Variants in TENM2 observed in about 807,000 individuals in gnomAD.
TENM2 encodes teneurin transmembrane protein 2, also known as teneurin-2.
A neutral mutation model predicts 245.2 loss-of-function variants in TENM2; 52 were observed. The observed-to-expected ratio is 0.21, with a 90% confidence interval of 0.17 to 0.27. The LOEUF is 0.27. Ranked by LOEUF, TENM2 falls within the 10% of genes least tolerant of loss-of-function variation. The pLI is 1.00. For synonymous variants in TENM2, 1,363 were observed against 1,438.9 expected, an observed-to-expected ratio of 0.95 and a Z score of 1.19; for missense variants, 3,046 against 3,666.8, an observed-to-expected ratio of 0.83 and a Z score of 4.37.
rs147840719 is a variant in TENM2 at position 167,487,899 on chromosome 5, C to A, written c.502+112426C>A. 3.7e-4 allele frequency among the ~76,000 whole-genome samples: 57 copies of A among 152,202 alleles called. No homozygotes were observed. The East Asian group carries it at 0.01, about 28-fold the overall frequency. On this transcript the variant is annotated intron_variant, in intron 2 of 28. Coordinates refer to ENST00000518659, the Ensembl canonical transcript of TENM2. The stretch of plus-strand genomic sequence containing the variant: ...TAAAGGAATGTTTCTTGCTTTCTCA[C>A]AAATTGTTAACCTCATATTTTCTGG...
exon 11 of TENM2, chr5:168,124,952 T>G: frequency 6.2e-7 from 1 of 1,612,290 alleles, no homozygotes. Context: ...CTGGCGAGGG[T>G]CCAGTGCCCA....
At chr5:167,547,962 G>C (rs150041145) in intron 2 of TENM2, among the ~76,000 whole-genome samples, 1 of 152,266 alleles carries the variant, frequency 6.6e-6, no homozygotes, top group Admixed American at 6.5e-5. Context: ...GCACTTTCTC[G>C]TAGCAAATCA....
At chr5:167,708,304 T>C (rs966520316) in intron 2 of TENM2, among the ~76,000 whole-genome samples, 55 of 152,112 alleles carry the variant, frequency 3.6e-4, no homozygotes, top group African/African-American at 1.3e-3. Flanking sequence ...GATACAAATA[T>C]ACTGTATTAT....
At chr5:167,189,551 T>TTCTTTC in the TENM2 span, among the ~76,000 whole-genome samples, 1 of 151,954 alleles carries the variant, frequency 6.6e-6, no homozygotes, top group Admixed American at 6.6e-5. Flanking sequence ...CTCTCTTTCT[T>TTCTTTC]TCTTTCTCTT....
chr5:167,635,466 A>G (rs1169508927), intron 2 of TENM2, among the ~76,000 whole-genome samples: 2 of 152,028 alleles, frequency 1.3e-5, no homozygotes, highest in Non-Finnish European at 2.9e-5. Context: ...CTAAACTCAG[A>G]AAGGTACCAC....
At chr5:167,848,741 ATTTCCATTTATGGTTGAT>A (rs1770289226) in intron 2 of TENM2, among the ~76,000 whole-genome samples, 1 of 152,170 alleles carries the variant, frequency 6.6e-6, no homozygotes, top group Non-Finnish European at 1.5e-5. Flanking sequence ...TATCAATGTT[ATTTCCATTTATGGTTGAT>A]TTAAAAACTG....
At chr5:168,008,463 T>A (rs62383377) in intron 5 of TENM2, among the ~76,000 whole-genome samples, 22,913 of 152,070 alleles carry the variant, frequency 0.15, 1,934 homozygotes, top group Admixed American at 0.26. Flanking sequence ...AGTTACCTAG[T>A]AGATGCTCCA....
chr5:167,060,422 G>A, the TENM2 span, among the ~76,000 whole-genome samples: 31 of 152,196 alleles, frequency 2.0e-4, no homozygotes, highest in African/African-American at 7.0e-4. Context: ...GTAGGCTGAG[G>A]CAGGCGGATC....
chr5:167,158,300 C>T, the TENM2 span, among the ~76,000 whole-genome samples: 1 of 152,150 alleles, frequency 6.6e-6, no homozygotes, highest in Non-Finnish European at 1.5e-5. Context: ...CTTGGCCAGC[C>T]CCTCACCACT....
At chr5:167,583,510 A>ACACCCC (rs777180325) in intron 2 of TENM2, among the ~76,000 whole-genome samples, 34 of 150,008 alleles carry the variant, frequency 2.3e-4, no homozygotes, top group Non-Finnish European at 4.1e-4. Context: ...ACACACACAC[A>ACACCCC]CCCCAAACCT....
At chr5:167,300,116 A>T (rs1209735843) in intron 1 of TENM2, among the ~76,000 whole-genome samples, 1 of 152,166 alleles carries the variant, frequency 6.6e-6, no homozygotes, top group East Asian at 1.9e-4. Flanking sequence ...GACCACACTA[A>T]CCATGCCTAG....
intron 4 of TENM2, among the ~76,000 whole-genome samples, chr5:167,987,417 T>C (rs549299820): frequency 4.6e-5 from 7 of 151,848 alleles, no homozygotes; most frequent in Non-Finnish European, 8.8e-5. Flanking sequence ...AACCTCTGCC[T>C]CCTGGGTTCA....
chr5:167,095,840 G>A, the TENM2 span, among the ~76,000 whole-genome samples: 5 of 149,108 alleles, frequency 3.4e-5, no homozygotes, highest in African/African-American at 5.0e-5. Context: ...GCGTGATCTC[G>A]GCTCACTGCA....
At chr5:167,718,379 AGTTACAACTTCCCTGTAGCTCAGT>A (rs990089827) in intron 2 of TENM2, among the ~76,000 whole-genome samples, 62 of 152,300 alleles carry the variant, frequency 4.1e-4, no homozygotes, top group Admixed American at 3.9e-3. Flanking sequence ...GACCAGGGCA[AGTTACAACTTCCCTGTAGCTCAGT>A]GTCTGCATCT....
At chr5:167,155,188 C>CA in the TENM2 span, among the ~76,000 whole-genome samples, 3 of 152,086 alleles carry the variant, frequency 2.0e-5, no homozygotes, top group Non-Finnish European at 4.4e-5. Context: ...ATGAAACAAA[C>CA]AAAAAAGAGT....
the TENM2 span, among the ~76,000 whole-genome samples, chr5:167,277,787 GT>G: frequency 6.6e-6 from 1 of 151,746 alleles, no homozygotes; most frequent in East Asian, 1.9e-4. Flanking sequence ...TTGCAGATAT[GT>G]TTTTTGTGGT....
At chr5:167,205,007 C>T in the TENM2 span, among the ~76,000 whole-genome samples, 4 of 152,264 alleles carry the variant, frequency 2.6e-5, no homozygotes, top group East Asian at 1.9e-4. Context: ...ATATATGTGC[C>T]CCACTGGTTT....
Position 167,343,947 on chromosome 5 carries a change from TGGAAA to T in TENM2, c.227-31245_227-31241del, listed in dbSNP as rs937536878. Reference sequence around the variant, plus strand: ...ATCATAAGATATATTCATTTTAGAGTGGAAAGGAAACTTAAAAACTCTCTCCTCTA... The same window carrying T: ...ATCATAAGATATATTCATTTTAGAGTGGAAACTTAAAAACTCTCTCCTCTA... On this transcript the variant is annotated intron_variant, in intron 1 of 28. Transcript: ENST00000518659. Among the ~76,000 whole-genome samples the T allele has an allele frequency of 2.4e-4, 37 of 151,666 alleles. 1 individual carries two copies. The highest frequency in any genetic ancestry group is 8.5e-4 in the African/African-American group (35 of 41,300).
intron 3 of TENM2, among the ~76,000 whole-genome samples, chr5:167,922,074 G>A (rs888131817): frequency 2.0e-5 from 3 of 152,174 alleles, no homozygotes; most frequent in African/African-American, 7.2e-5. Context: ...GAGTCATGAA[G>A]TAGGAACTGT....
Sources: gnomAD v4.1 joint callset for allele counts (sites outside exome capture counted in the v4.1 genomes callset) on GRCh38, gnomAD v4.1.1 for gene constraint, MANE v1.5 for transcripts, NCBI Gene and HGNC (gene_info 2026-07-23, HGNC 2026-07-21) for gene names.